The following MGAT5B variants were observed in gnomAD, a reference collection of about 807,000 sequenced individuals.
MGAT5B encodes the protein alpha-1,6-mannosylglycoprotein 6-beta-N-acetylglucosaminyltransferase B.
Under a neutral mutation model 95.1 loss-of-function variants are expected in MGAT5B, and 54 were observed. That is an observed-to-expected ratio of 0.57 (90% CI 0.46 to 0.71). The LOEUF is 0.71. Among genes scored for constraint, MGAT5B ranks in the 30% least tolerant of loss-of-function variants. MGAT5B has a pLI of 0.00. For synonymous variants in MGAT5B, 464 were observed against 451.0 expected, an observed-to-expected ratio of 1.03 and a Z score of -0.36; for missense variants, 935 against 1,088.6, an observed-to-expected ratio of 0.86 and a Z score of 1.99.
rs190452221 is a variant in MGAT5B at position 76,897,416 on chromosome 17, A to T, written c.330-5139A>T. Reference sequence around the variant, plus strand: ...AGGGCCGTGTTCCTTCCAAAGCTCGAGGGGAGACTCCTCCCTGCCCCTTCC... The same window carrying T: ...AGGGCCGTGTTCCTTCCAAAGCTCGTGGGGAGACTCCTCCCTGCCCCTTCC... On this transcript the variant is annotated intron_variant, in intron 3 of 17. Transcript: ENST00000569840. 8.9e-4 allele frequency among the ~76,000 whole-genome samples: 135 copies of T among 152,266 alleles called. 1 individual carries two copies. The highest frequency in any genetic ancestry group is 2.8e-3 in the African/African-American group (118 of 41,568).
rs150454142 is a variant in MGAT5B, at chr17:76,890,747, G to A, written c.329+8449G>A. 8.7e-4 allele frequency among the ~76,000 whole-genome samples: 133 copies of A among 152,094 alleles called. 1 individual carries two copies. Among genetic ancestry groups the A allele is most frequent in the African/African-American group, 3.1e-3 (129 of 41,502 alleles). ...TGAACTCCTGAGCTCAAGCAATTGGGCCACCTCAGCCTCCCAGAGTACTTG... is the reference window on the plus strand; with the variant it reads ...TGAACTCCTGAGCTCAAGCAATTGGACCACCTCAGCCTCCCAGAGTACTTG... On this transcript the variant is annotated intron_variant, in intron 3 of 17. Transcript: ENST00000569840.
intron 11 of MGAT5B, 94 bp from the exon 12 acceptor site, chr17:76,933,196 CAG>C: frequency 6.5e-7 from 1 of 1,540,970 alleles, no homozygotes. Flanking sequence ...TTGGGGGCCC[CAG>C]AGAGGAGCTG....
Position 76,906,829 on chromosome 17 carries a change from G to A in MGAT5B, c.1025+642G>A, listed in dbSNP as rs572066647. ...GTTTCTGTGGGATGTAGGAATACAGGAGATTCTTCTCTTTATTAATATTTA... is the reference window on the plus strand; with the variant it reads ...GTTTCTGTGGGATGTAGGAATACAGAAGATTCTTCTCTTTATTAATATTTA... On this transcript the variant is annotated intron_variant, in intron 8 of 17. Coordinates refer to ENST00000569840, the MANE Select transcript of MGAT5B (RefSeq NM_001199172.2). The surrounding 1 kb of genome is among the most constrained non-coding windows in gnomAD (Gnocchi z 4.6). Among the ~76,000 whole-genome samples the A allele has an allele frequency of 6.6e-6, 1 of 152,138 alleles. No homozygotes were observed. Among genetic ancestry groups the A allele is most frequent in the African/African-American group, 2.4e-5 (1 of 41,496 alleles).
At chr17:76,881,017 G>T (rs760134951) in intron 2 of MGAT5B, among the ~76,000 whole-genome samples, 1 of 152,146 alleles carries the variant, frequency 6.6e-6, no homozygotes, top group Non-Finnish European at 1.5e-5. Flanking sequence ...GGCTCGTTTT[G>T]GGGGAGTGAT....
rs778396568 is a variant in MGAT5B at position 76,948,651 on chromosome 17, C to T, written c.2192C>T (p.Pro731Leu). ...SQDAFLKLQV[P>L]CDSTESEMNH... ...GTGGTCCCTGCCAGGCTGCAGGTGC[C>T]CTGTGACAGCACCGAGTCGGAGATG... The change falls in exon 18 of 18, where the codon CCC becomes CTC. Residue 731 changes from proline to leucine, a missense_variant. Physicochemically the swap from Pro to Leu is moderately conservative, Grantham distance 98 (BLOSUM62 -3). Around this residue, in one of 4 missense-constraint regions of MGAT5B, gnomAD observed 440 missense variants for 523.6 expected, o/e 0.84. Coordinates refer to ENST00000569840, the MANE Select transcript of MGAT5B (RefSeq NM_001199172.2). 1 of 1,611,998 alleles carries T rather than the reference C, an allele frequency of 6.2e-7. No homozygotes were observed. Among genetic ancestry groups the T allele is most frequent in the Admixed American group, 1.7e-5 (1 of 59,850 alleles).
At position 76,914,047 on chromosome 17, in the gene MGAT5B, G is replaced by A. The variant is rs1485329477; in HGVS notation, c.1025+7860G>A. On this transcript the variant is annotated intron_variant, in intron 8 of 17. Coordinates refer to ENST00000569840, the MANE Select transcript of MGAT5B (RefSeq NM_001199172.2). The surrounding 1 kb of genome is among the most constrained non-coding windows in gnomAD (Gnocchi z 5.1). Reference sequence around the variant, plus strand: ...GCCTGGGAAGTCGAGGCTACAGTCAGCCGTGATCATGCTACTGCACTCTAG... The same window carrying A: ...GCCTGGGAAGTCGAGGCTACAGTCAACCGTGATCATGCTACTGCACTCTAG... The A allele has an allele frequency of 1.3e-5, 4 of 306,224 alleles. No homozygotes were observed. Among genetic ancestry groups the A allele is most frequent in the Non-Finnish European group, 2.6e-5 (4 of 152,872 alleles). 19.0% of individuals were successfully genotyped at this position (306,224 alleles called of 1,614,324 possible). A position where few individuals can be genotyped will look rare whatever the true frequency, so the allele number is the denominator to read the frequency against.
Position 76,882,131 on chromosome 17 carries a change from TACCCAC to T in MGAT5B, c.182-17_182-12del. ...AGGCTGCTCGGGCCTCCCCTAACCA[TACCCAC>T]ACTCTGCCCACAGTGATGGGGGGCC... On this transcript the variant is annotated splice_polypyrimidine_tract_variant and intron_variant, in intron 2 of 17. Coordinates refer to ENST00000569840, the MANE Select transcript of MGAT5B (RefSeq NM_001199172.2). 6.2e-7 allele frequency: 1 copy of T among 1,600,344 alleles called. No homozygotes were observed. The highest frequency in any genetic ancestry group is 8.5e-7 in the Non-Finnish European group (1 of 1,171,576).
rs1046291792 is a variant in MGAT5B at position 76,904,364 on chromosome 17, T to C, written c.632T>C (p.Leu211Pro). ...GAGGTCGAGTGGTTCTGCCCCCCGCTGCCCTGGAGGAACCAGACGGCTGCC... is the reference window on the plus strand; with the variant it reads ...GAGGTCGAGTGGTTCTGCCCCCCGCCGCCCTGGAGGAACCAGACGGCTGCC... ...LSEVEWFCPPLPWRNQTAAQR... is the reference protein window; with the variant it reads ...LSEVEWFCPPPPWRNQTAAQR... Residue 211 changes from leucine to proline, a missense_variant, in exon 6 of 18, where the codon CTG (leucine) becomes CCG (proline). By Grantham distance (98) the Leu-to-Pro change is moderately conservative. Coordinates refer to ENST00000569840, the MANE Select transcript of MGAT5B (RefSeq NM_001199172.2). 7 of 1,584,676 alleles carry C rather than the reference T, an allele frequency of 4.4e-6. No individual in the cohort carries two copies. In the Admixed American group the frequency reaches 5.4e-5, roughly 12 times the overall value.
In MGAT5B at chr17:76,948,677, A is replaced by G. The variant is rs372349510; in HGVS notation, c.2218A>G (p.Asn740Asp). 6.2e-6 allele frequency: 10 copies of G among 1,613,272 alleles called. No individual in the cohort carries two copies. The highest frequency in any genetic ancestry group is 1.3e-5 in the African/African-American group (1 of 74,940). ...CTGTGACAGCACCGAGTCGGAGATG[A>G]ACCACCTGTACCCGGCGTTCGCCCA... ...VPCDSTESEM[N>D]HLYPAFAQPG... The change falls in exon 18 of 18, where the codon AAC (asparagine) becomes GAC (aspartate). Residue 740 changes from asparagine (N) to aspartate (D), a missense_variant. By Grantham distance (23) the Asn-to-Asp change is conservative (BLOSUM62 1). Transcript: ENST00000569840.
At chr17:76,910,012 G>A (rs575201744) in intron 8 of MGAT5B, among the ~76,000 whole-genome samples, 45 of 152,306 alleles carry the variant, frequency 3.0e-4, no homozygotes, top group African/African-American at 1.1e-3. Context: ...GTCCAAGTCG[G>A]GGGCGGGCTC....
intron 3 of MGAT5B, among the ~76,000 whole-genome samples, chr17:76,892,126 A>T (rs1967893140): frequency 1.3e-5 from 2 of 152,040 alleles, no homozygotes; most frequent in Admixed American, 1.3e-4. Flanking sequence ...GGCTCACTGA[A>T]GATCTCAACC....
At chr17:76,908,811 CTTT>C (rs138361073) in intron 8 of MGAT5B, among the ~76,000 whole-genome samples, 1 of 140,794 alleles carries the variant, frequency 7.1e-6, no homozygotes, top group Admixed American at 7.3e-5. Context: ...ACTCTGCTAT[CTTT>C]TTTTTTTTTT....
rs994036370 is a variant in MGAT5B at position 76,917,256 on chromosome 17, T to A, written c.1026-7710T>A. 1.3e-5 allele frequency among the ~76,000 whole-genome samples: 2 copies of A among 152,004 alleles called. No individual in the cohort carries two copies. Among genetic ancestry groups the A allele is most frequent in the Non-Finnish European group, 2.9e-5 (2 of 68,024 alleles). On this transcript the variant is annotated intron_variant, in intron 8 of 17. Transcript: ENST00000569840. The surrounding 1 kb of genome is among the most constrained non-coding windows in gnomAD (Gnocchi z 6.1). The stretch of plus-strand genomic sequence containing the variant: ...GTCCGAATGTTCCTCGAAGTCAGTT[T>A]CTTTGCTGTGTCTCCGGCCTCTGCA...
intron 2 of MGAT5B, 67 bp from the exon 3 acceptor site, chr17:76,882,084 G>C (rs906127938): frequency 1.8e-5 from 27 of 1,524,470 alleles, no homozygotes; most frequent in Non-Finnish European, 2.3e-5. Flanking sequence ...AGCTGCCCCA[G>C]CTCGGACACC....
chr17:76,896,753 T>C, intron 3 of MGAT5B, among the ~76,000 whole-genome samples: 1 of 152,294 alleles, frequency 6.6e-6, no homozygotes, highest in East Asian at 1.9e-4. Context: ...CTCTGGCTAA[T>C]GTGGAGAGTC....
At chr17:76,927,834 C>T (rs1429174803) in intron 10 of MGAT5B, among the ~76,000 whole-genome samples, 2 of 152,224 alleles carry the variant, frequency 1.3e-5, no homozygotes. Context: ...TTCAAGGCTC[C>T]AGGCCAGAAA....
Position 76,891,809 on chromosome 17 carries a change from C to A in MGAT5B, c.329+9511C>A, listed in dbSNP as rs548498390. 1.5e-4 allele frequency among the ~76,000 whole-genome samples: 23 copies of A among 152,296 alleles called. No homozygotes were observed. In the South Asian group the frequency reaches 4.8e-3, roughly 32 times the overall value. ...TCCAAGGGTTGCCTCCTTTGACAGA[C>A]AAGGGAGCTGAGGCTCAGAGAGGCT... On this transcript the variant is annotated intron_variant, in intron 3 of 17. Transcript: ENST00000569840.
At chr17:76,904,218 C>T (rs537905) in intron 5 of MGAT5B, 34 bp from the exon 6 acceptor site, 152,321 of 1,571,890 alleles carry the variant, frequency 0.097, 9,296 homozygotes, top group Admixed American at 0.26. Context: ...GTGGGGCTGG[C>T]GCAGCCCCCT....
chr17:76,935,512 G>T (rs775511230), intron 12 of MGAT5B, among the ~76,000 whole-genome samples: 3 of 139,992 alleles, frequency 2.1e-5, no homozygotes, highest in Non-Finnish European at 4.7e-5. Context: ...GTTCTAACAG[G>T]CATGGAATGG....
Sources: gnomAD v4.1 joint callset for allele counts (sites outside exome capture counted in the v4.1 genomes callset) on GRCh38, gnomAD v4.1.1 for gene constraint, gnomAD v4.1.1 regional missense constraint, Gnocchi (gnomAD v3.1) non-coding constraint, MANE v1.5 for transcripts, NCBI Gene and HGNC (gene_info 2026-07-23, HGNC 2026-07-21) for gene names.